The following METTL25 variants were observed in gnomAD, a reference collection of about 807,000 sequenced individuals.
METTL25 encodes methyltransferase like 25.
In METTL25, 64 loss-of-function variants were observed where a neutral mutation model predicts 71.6. The ratio of observed to expected loss-of-function variants is 0.89; its 90% CI spans 0.73 to 1.10. METTL25 has a LOEUF of 1.10. Ranked by LOEUF, METTL25 falls within the 50% of genes least tolerant of loss-of-function variation. The pLI, the probability that METTL25 is intolerant of heterozygous loss-of-function variation, is 0.00. For synonymous variants in METTL25, 287 were observed against 250.3 expected, an observed-to-expected ratio of 1.15 and a Z score of -1.38; for missense variants, 807 against 707.0, an observed-to-expected ratio of 1.14 and a Z score of -1.60.
At chr12:82,425,979 G>A (rs1228695143) in intron 5 of METTL25, among the ~76,000 whole-genome samples, 2 of 152,000 alleles carry the variant, frequency 1.3e-5, no homozygotes, top group Non-Finnish European at 2.9e-5. Flanking sequence ...GAGGCTAGGG[G>A]AAAGCAATTT....
At chr12:82,367,671 C>G (rs1480451749) in intron 1 of METTL25, among the ~76,000 whole-genome samples, 2 of 152,180 alleles carry the variant, frequency 1.3e-5, no homozygotes, top group Non-Finnish European at 2.9e-5. Flanking sequence ...TGCCACTCAA[C>G]AGCTTTCAGA....
chr12:82,398,583 T>C (rs942099814), intron 3 of METTL25, among the ~76,000 whole-genome samples: 5 of 152,120 alleles, frequency 3.3e-5, no homozygotes, highest in Non-Finnish European at 7.4e-5. Context: ...TATTTATTTC[T>C]TTTGCTTCTT....
At chr12:82,396,767 T>C (rs1886120985) in intron 3 of METTL25, among the ~76,000 whole-genome samples, 1 of 152,124 alleles carries the variant, frequency 6.6e-6, no homozygotes, top group Non-Finnish European at 1.5e-5. Context: ...TGTAGGATAT[T>C]TTCTCTTTCA....
intron 1 of METTL25, among the ~76,000 whole-genome samples, chr12:82,379,582 A>C (rs931254382): frequency 3.9e-5 from 6 of 152,186 alleles, no homozygotes; most frequent in African/African-American, 7.2e-5. Flanking sequence ...ATTCTCGTGA[A>C]GCAAACTTGA....
At chr12:82,461,095 A>G (rs369013856) in intron 9 of METTL25, among the ~76,000 whole-genome samples, 15 of 152,166 alleles carry the variant, frequency 9.9e-5, no homozygotes, top group East Asian at 5.8e-4. Context: ...GTGAGCCAAG[A>G]TCGTGCCACT....
chr12:82,424,719 A>G (rs1186535677), intron 5 of METTL25, among the ~76,000 whole-genome samples: 1 of 152,022 alleles, frequency 6.6e-6, no homozygotes, highest in African/African-American at 2.4e-5. Context: ...GTATTTGCAA[A>G]TTTAATTAGT....
chr12:82,416,466 C>T (rs1413185266), intron 5 of METTL25, among the ~76,000 whole-genome samples: 4 of 103,328 alleles, frequency 3.9e-5, no homozygotes, highest in South Asian at 3.3e-4. Context: ...TTTTTTGAGA[C>T]AGGGTCTCAC....
At chr12:82,369,837 G>A (rs941364262) in intron 1 of METTL25, among the ~76,000 whole-genome samples, 3 of 151,914 alleles carry the variant, frequency 2.0e-5, no homozygotes, top group Non-Finnish European at 4.4e-5. Context: ...TAATTGGTGC[G>A]TTTTTACAGA....
intron 3 of METTL25, among the ~76,000 whole-genome samples, chr12:82,391,203 A>G (rs554067291): frequency 5.3e-5 from 8 of 152,050 alleles, no homozygotes; most frequent in Non-Finnish European, 1.0e-4. Flanking sequence ...GAGGCAGAAC[A>G]AGAACTGGAC....
rs138870578 is a variant in METTL25, at chr12:82,478,451, C to G, written c.1720-481C>G. 3.8e-3 allele frequency among the ~76,000 whole-genome samples: 569 copies of G among 151,580 alleles called. 3 individuals carry two copies. Among genetic ancestry groups the G allele is most frequent in the African/African-American group, 0.013 (544 of 41,428 alleles). On this transcript the variant is annotated intron_variant, in intron 11 of 11. Transcript: ENST00000248306. ...CCTACCTTTTATTTAATAGCTTCAA[C>G]TATTAGATTTTTAGTATATTTAAGG...
At chr12:82,392,280 A>G (rs1262362147) in intron 3 of METTL25, among the ~76,000 whole-genome samples, 2 of 110,314 alleles carry the variant, frequency 1.8e-5, no homozygotes, top group Admixed American at 1.1e-4. Context: ...AACAGTCCCC[A>G]GAGTGTGATG....
intron 4 of METTL25, 124 bp from the exon 5 acceptor site, chr12:82,402,859 T>C: frequency 1.6e-6 from 1 of 632,712 alleles, no homozygotes; most frequent in Non-Finnish European, 2.6e-6. Context: ...TATTCGTGCC[T>C]GTGAATAGCC....
At chr12:82,448,918 A>G (rs1286308624) in intron 8 of METTL25, among the ~76,000 whole-genome samples, 1 of 152,160 alleles carries the variant, frequency 6.6e-6, no homozygotes, top group Non-Finnish European at 1.5e-5. Context: ...GATTATGGAG[A>G]AACTGAATTT....
intron 5 of METTL25, among the ~76,000 whole-genome samples, chr12:82,409,698 T>G (rs1051272666): frequency 1.3e-5 from 2 of 152,064 alleles, no homozygotes; most frequent in Non-Finnish European, 2.9e-5. Context: ...ACTCCACATT[T>G]GCACAGTCAA....
intron 9 of METTL25, among the ~76,000 whole-genome samples, chr12:82,469,699 A>G (rs959112478): frequency 2.6e-5 from 4 of 151,822 alleles, no homozygotes; most frequent in African/African-American, 9.7e-5. Context: ...CAAGCAGAAG[A>G]TGATATCTAT....
intron 5 of METTL25, among the ~76,000 whole-genome samples, chr12:82,424,739 G>T (rs1332503594): frequency 6.6e-6 from 1 of 151,962 alleles, no homozygotes; most frequent in Non-Finnish European, 1.5e-5. Flanking sequence ...TTAAGATGGA[G>T]TCATCATACT....
chr12:82,399,986 C>A (rs536579124), intron 4 of METTL25, among the ~76,000 whole-genome samples: 2 of 151,386 alleles, frequency 1.3e-5, no homozygotes, highest in East Asian at 3.9e-4. Context: ...GTTGTATTAC[C>A]CTTGTAATTT....
At chr12:82,423,820 T>C (rs1209037109) in intron 5 of METTL25, among the ~76,000 whole-genome samples, 1 of 152,062 alleles carries the variant, frequency 6.6e-6, no homozygotes, top group African/African-American at 2.4e-5. Context: ...TAAATGCAAA[T>C]CAAAACCACA....
intron 8 of METTL25, among the ~76,000 whole-genome samples, chr12:82,440,100 A>T (rs1485452386): frequency 1.3e-5 from 2 of 151,922 alleles, no homozygotes; most frequent in East Asian, 3.9e-4. Context: ...ATCTTCCATT[A>T]TTCTGTATTC....
Sources: allele counts gnomAD v4.1 joint callset (sites outside exome capture counted in the v4.1 genomes callset), GRCh38; gene constraint gnomAD v4.1.1; transcripts MANE v1.5; gene names NCBI Gene and HGNC (gene_info 2026-07-23, HGNC 2026-07-21).